ANKS1B: variants seen among roughly 807,000 people sequenced by gnomAD.
The protein encoded by ANKS1B is ankyrin repeat and sterile alpha motif domain containing 1B.
ANKS1B carries 36 observed loss-of-function variants against 148.3 expected under a neutral mutation model. The ratio of observed to expected loss-of-function variants is 0.24; its 90% CI spans 0.19 to 0.32. The LOEUF is 0.32. Among genes scored for constraint, ANKS1B ranks in the 10% least tolerant of loss-of-function variants. The pLI, the probability that ANKS1B is intolerant of heterozygous loss-of-function variation, is 1.00. For synonymous variants in ANKS1B, 542 were observed against 560.8 expected (o/e 0.97, Z 0.47); for missense variants, 1,157 against 1,542.6 (o/e 0.75, Z 4.19).
At chr12:99,772,748 C>T (rs1195903365) in intron 8 of ANKS1B, 174 bp downstream of exon 8, 1 of 521,668 alleles carries the variant, frequency 1.9e-6, no homozygotes, top group Non-Finnish European at 3.2e-6. Context: ...CACTCCTTCC[C>T]CTACACATGC....
chr12:98,991,173 G>A (rs1426904584), intron 17 of ANKS1B, among the ~76,000 whole-genome samples: 1 of 152,078 alleles, frequency 6.6e-6, no homozygotes, highest in African/African-American at 2.4e-5. Context: ...CAAAATTATG[G>A]GAGGCATTAC....
At chr12:99,415,766 C>T (rs2094882225) in intron 11 of ANKS1B, among the ~76,000 whole-genome samples, 1 of 151,042 alleles carries the variant, frequency 6.6e-6, no homozygotes, top group African/African-American at 2.4e-5. Context: ...TCACGGCAAG[C>T]TCCGCCTCCC....
At chr12:99,655,298 T>C (rs2098444610) in intron 8 of ANKS1B, 88 bp from the exon 9 acceptor site, 4 of 1,226,558 alleles carry the variant, frequency 3.3e-6, no homozygotes, top group Non-Finnish European at 4.5e-6. Context: ...ATGACAGTGG[T>C]ATATCTCGGC....
chr12:99,134,385 T>A (rs1329472570), intron 15 of ANKS1B, among the ~76,000 whole-genome samples: 1 of 152,104 alleles, frequency 6.6e-6, no homozygotes. Context: ...GAGGTAGCTT[T>A]GGGCTAGTGT....
chr12:99,052,445 G>GAAACAT (rs1167360845), intron 17 of ANKS1B, among the ~76,000 whole-genome samples: 3 of 151,978 alleles, frequency 2.0e-5, no homozygotes, highest in South Asian at 2.1e-4. Context: ...TAGAGACAAG[G>GAAACAT]GGCCGGGCGC....
chr12:99,593,578 A>G (rs1271564453), intron 9 of ANKS1B, among the ~76,000 whole-genome samples: 7 of 152,164 alleles, frequency 4.6e-5, no homozygotes, highest in Non-Finnish European at 8.8e-5. Context: ...TATCAATAAA[A>G]GAAAACATTG....
At chr12:98,762,868 TTAGAA>T (rs770136161) in intron 25 of ANKS1B, among the ~76,000 whole-genome samples, 36 of 152,234 alleles carry the variant, frequency 2.4e-4, no homozygotes, top group Non-Finnish European at 4.4e-4. Context: ...TCTCTAGGGC[TTAGAA>T]TAGGTCAGGT....
intron 12 of ANKS1B, among the ~76,000 whole-genome samples, chr12:99,248,522 C>T (rs2074164685): frequency 6.6e-6 from 1 of 152,150 alleles, no homozygotes; most frequent in South Asian, 2.1e-4. Flanking sequence ...ACGATAAAAC[C>T]TCATCACTTT....
chr12:99,234,776 T>TA (rs2087571066), intron 14 of ANKS1B, among the ~76,000 whole-genome samples: 3 of 150,296 alleles, frequency 2.0e-5, no homozygotes, highest in Non-Finnish European at 4.4e-5. Context: ...TTTTTTTTTT[T>TA]ACCATGTGAT....
intron 8 of ANKS1B, among the ~76,000 whole-genome samples, chr12:99,680,932 A>G (rs1034877135): frequency 6.6e-6 from 1 of 150,962 alleles, no homozygotes; most frequent in Non-Finnish European, 1.5e-5. Context: ...TAATCCCCCT[A>G]AGAACATAAC....
At chr12:99,320,219 C>T (rs957974039) in intron 12 of ANKS1B, among the ~76,000 whole-genome samples, 1 of 152,104 alleles carries the variant, frequency 6.6e-6, no homozygotes, top group African/African-American at 2.4e-5. Context: ...TCTGTATCTC[C>T]TGAATTTGAA....
chr12:98,859,361 G>A (rs1035406437), intron 17 of ANKS1B, among the ~76,000 whole-genome samples: 1 of 152,230 alleles, frequency 6.6e-6, no homozygotes, highest in African/African-American at 2.4e-5. Flanking sequence ...AATAAGAAAA[G>A]ACTAACAATT....
At chr12:99,020,537 C>A (rs551522640) in intron 17 of ANKS1B, among the ~76,000 whole-genome samples, 2 of 152,164 alleles carry the variant, frequency 1.3e-5, no homozygotes, top group South Asian at 4.2e-4. Context: ...AAATTAAAAA[C>A]CTGATGAAAC....
chr12:99,051,938 G>A (rs148633142), intron 17 of ANKS1B, among the ~76,000 whole-genome samples: 17 of 151,840 alleles, frequency 1.1e-4, no homozygotes, highest in African/African-American at 3.9e-4. Context: ...TGGCGAGAAA[G>A]TGACATAAAG....
chr12:99,381,317 A>T (rs1181301891), intron 12 of ANKS1B, among the ~76,000 whole-genome samples: 1 of 152,204 alleles, frequency 6.6e-6, no homozygotes, highest in Non-Finnish European at 1.5e-5. Flanking sequence ...GAATTCAGGG[A>T]TTTGGAATTC....
chr12:99,516,123 T>C (rs1168227501), intron 9 of ANKS1B, among the ~76,000 whole-genome samples: 1 of 152,108 alleles, frequency 6.6e-6, no homozygotes, highest in Admixed American at 6.6e-5. Flanking sequence ...CACTGTGTTG[T>C]TTCCCTTGCT....
intron 14 of ANKS1B, among the ~76,000 whole-genome samples, chr12:99,203,913 C>T (rs1401964768): frequency 1.3e-5 from 2 of 152,126 alleles, no homozygotes; most frequent in South Asian, 4.1e-4. Flanking sequence ...GTGATTTTGT[C>T]ATTCTGTAAG....
Position 99,977,731 on chromosome 12 carries a change from C to T in ANKS1B, c.134+6373G>A, listed in dbSNP as rs78521101. ...TGAGTTTTCAACTGGCATTGTGCCT[C>T]TGCCTGCCCGTACGGCTTACATAAC... On this transcript the variant is annotated intron_variant, in intron 1 of 26. Coordinates refer to ENST00000683438, the MANE Select transcript of ANKS1B (RefSeq NM_001352186.2). 6.4e-3 allele frequency among the ~76,000 whole-genome samples: 977 copies of T among 152,312 alleles called. 10 individuals carry two copies. Among genetic ancestry groups the T allele is most frequent in the African/African-American group, 0.022 (931 of 41,560 alleles).
intron 10 of ANKS1B, among the ~76,000 whole-genome samples, chr12:99,469,434 G>C (rs1001096097): frequency 1.3e-5 from 2 of 151,660 alleles, no homozygotes; most frequent in Non-Finnish European, 2.9e-5. Flanking sequence ...AAAACTTAAA[G>C]TATAATAATA....
Sources: gnomAD v4.1 joint callset for allele counts (sites outside exome capture counted in the v4.1 genomes callset) on GRCh38, gnomAD v4.1.1 for gene constraint, MANE v1.5 for transcripts, NCBI Gene and HGNC (gene_info 2026-07-23, HGNC 2026-07-21) for gene names.